Variants in DPP10 observed in about 807,000 individuals in gnomAD.
DPP10 encodes the protein dipeptidyl peptidase like 10.
Under a neutral mutation model 120.9 loss-of-function variants are expected in DPP10, and 33 were observed. The observed-to-expected ratio is 0.27, with a 90% CI of 0.21 to 0.37. The LOEUF (loss-of-function observed/expected upper bound fraction) is 0.37, where lower values mean the gene tolerates loss of function less well. Ranked by LOEUF, DPP10 falls within the 10% of genes least tolerant of loss-of-function variation. The probability of loss-of-function intolerance (pLI) is 1.00; values close to 1 mark genes in which losing one functional copy is unlikely to be tolerated. For synonymous variants in DPP10, 337 were observed against 326.1 expected (o/e 1.03, Z -0.36); for missense variants, 816 against 942.8 (o/e 0.87, Z 1.76).
intron 19 of DPP10, 99 bp from the exon 20 acceptor site, chr2:115,814,694 A>C (rs1687025822): frequency 5.3e-6 from 5 of 947,782 alleles, no homozygotes; most frequent in South Asian, 6.5e-5. Flanking sequence ...AATAGCCAGC[A>C]CAGTTCTTTC....
chr2:114,945,708 T>C (rs1448232113), intron 1 of DPP10, among the ~76,000 whole-genome samples: 1 of 151,964 alleles, frequency 6.6e-6, no homozygotes, highest in African/African-American at 2.4e-5. Context: ...CCCAGCTACT[T>C]GGGAGGCTTA....
chr2:114,818,743 C>T lies in DPP10; in HGVS notation c.60+375905C>T, dbSNP rs548381388. The stretch of plus-strand genomic sequence containing the variant: ...TGGAATGAATATGGTCTAGATGCTG[C>T]TCCATCTCCTTTACAGATTGTATGC... On this transcript the variant is annotated intron_variant, in intron 1 of 25. Coordinates refer to ENST00000410059, the MANE Select transcript of DPP10 (RefSeq NM_020868.6). Among the ~76,000 whole-genome samples the T allele has an allele frequency of 4.7e-4, 71 of 152,226 alleles. 1 individual carries two copies. The highest frequency in any genetic ancestry group is 1.7e-3 in the African/African-American group (69 of 41,522).
chr2:114,991,498 A>T (rs773155234), intron 1 of DPP10, among the ~76,000 whole-genome samples: 5 of 152,230 alleles, frequency 3.3e-5, no homozygotes, highest in African/African-American at 7.2e-5. Flanking sequence ...TAAAGACTAG[A>T]AATTTCTCCC....
chr2:114,555,883 A>G (rs1205899797), intron 1 of DPP10, among the ~76,000 whole-genome samples: 2 of 152,124 alleles, frequency 1.3e-5, no homozygotes, highest in East Asian at 1.9e-4. Context: ...AGAAGAACAT[A>G]GTATCCTCAA....
chr2:115,100,615 T>C (rs2048645678), intron 1 of DPP10, among the ~76,000 whole-genome samples: 2 of 152,276 alleles, frequency 1.3e-5, no homozygotes, highest in African/African-American at 2.4e-5. Context: ...TCTCTGTTAT[T>C]GGCAGCTTAG....
chr2:114,836,654 T>A (rs942616435), intron 1 of DPP10, among the ~76,000 whole-genome samples: 1 of 152,160 alleles, frequency 6.6e-6, no homozygotes, highest in Non-Finnish European at 1.5e-5. Flanking sequence ...GATAACTTCT[T>A]ATCAGGGGAC....
intron 3 of DPP10, among the ~76,000 whole-genome samples, chr2:115,489,299 A>G (rs2075962980): frequency 6.6e-6 from 1 of 151,702 alleles, no homozygotes; most frequent in African/African-American, 2.4e-5. Flanking sequence ...TGGACCCCTG[A>G]TCTAGTATAC....
chr2:114,526,798 C>T (rs1292435377), intron 1 of DPP10, among the ~76,000 whole-genome samples: 1 of 152,118 alleles, frequency 6.6e-6, no homozygotes, highest in Non-Finnish European at 1.5e-5. Flanking sequence ...CTCCCCAAAG[C>T]CCCCATCTCC....
Position 115,435,057 on chromosome 2 carries a change from T to C in DPP10, c.272-64453T>C, listed in dbSNP as rs944520681. On this transcript the variant is annotated intron_variant, in intron 3 of 25. Transcript: ENST00000410059. Reference sequence around the variant, plus strand: ...ATTTCTATACACATGCACACATATATATATATATATATATATGTATCACAT... The same window carrying C: ...ATTTCTATACACATGCACACATATACATATATATATATATATGTATCACAT... Among the ~76,000 whole-genome samples, 23 of 111,120 alleles carry C rather than the reference T, an allele frequency of 2.1e-4. 1 individual carries two copies. In the South Asian group the frequency reaches 2.7e-3, roughly 13 times the overall value. 72.9% of individuals were successfully genotyped at this position (111,120 alleles called of 152,430 possible). A position where few individuals can be genotyped will look rare whatever the true frequency, so the allele number is the denominator to read the frequency against.
At chr2:115,198,431 T>C (rs1330991597) in intron 1 of DPP10, among the ~76,000 whole-genome samples, 1 of 152,196 alleles carries the variant, frequency 6.6e-6, no homozygotes, top group South Asian at 2.1e-4. Flanking sequence ...TGTACTCACA[T>C]ATCTGAAAAA....
intron 1 of DPP10, among the ~76,000 whole-genome samples, chr2:115,122,476 T>C (rs2049874999): frequency 6.6e-6 from 1 of 152,242 alleles, no homozygotes; most frequent in Admixed American, 6.5e-5. Flanking sequence ...TATATCTTTG[T>C]TGCCAAGACC....
intron 5 of DPP10, among the ~76,000 whole-genome samples, chr2:115,676,036 C>T (rs1404816231): frequency 6.6e-6 from 1 of 152,106 alleles, no homozygotes; most frequent in Admixed American, 6.5e-5. Context: ...AGGAAGCTTT[C>T]CCCCGGACGG....
At chr2:114,789,337 A>T (rs573028529) in intron 1 of DPP10, among the ~76,000 whole-genome samples, 71 of 152,304 alleles carry the variant, frequency 4.7e-4, no homozygotes, top group African/African-American at 1.7e-3. Context: ...AACAAGAACT[A>T]TTTCCCGAGC....
chr2:115,622,838 T>G (rs996092437), intron 5 of DPP10, among the ~76,000 whole-genome samples: 8 of 136,462 alleles, frequency 5.9e-5, no homozygotes, highest in African/African-American at 1.8e-4. Context: ...TCTTTTTTTT[T>G]TTTTTTTTGT....
At position 114,900,132 on chromosome 2, in the gene DPP10, A is replaced by G. The variant is rs1199241439; in HGVS notation, c.61-409107A>G. ...TTGGGACTATTACAATTGTGATGCC[A>G]TTAACATTTTTGTGATAGTCAATAA... On this transcript the variant is annotated intron_variant, in intron 1 of 25. Coordinates refer to ENST00000410059, the MANE Select transcript of DPP10 (RefSeq NM_020868.6). Among the ~76,000 whole-genome samples the G allele has an allele frequency of 2.0e-5, 3 of 152,234 alleles. No homozygotes were observed. In the East Asian group the frequency reaches 5.8e-4, roughly 29 times the overall value.
At chr2:115,043,514 C>T (rs1704825982) in intron 1 of DPP10, among the ~76,000 whole-genome samples, 1 of 152,214 alleles carries the variant, frequency 6.6e-6, no homozygotes, top group African/African-American at 2.4e-5. Flanking sequence ...TCATAACTTT[C>T]AGTGGCTGAT....
intron 7 of DPP10, among the ~76,000 whole-genome samples, chr2:115,709,389 A>G (rs2092242183): frequency 1.3e-5 from 2 of 152,094 alleles, no homozygotes; most frequent in African/African-American, 4.8e-5. Context: ...ACTATAAATG[A>G]CAGAATTTTC....
chr2:115,628,361 G>T (rs2085538303), intron 5 of DPP10, among the ~76,000 whole-genome samples: 1 of 152,014 alleles, frequency 6.6e-6, no homozygotes, highest in African/African-American at 2.4e-5. Context: ...TTTTAATGGT[G>T]TTGTTTGTTT....
chr2:114,966,815 G>A (rs1433234180), intron 1 of DPP10, among the ~76,000 whole-genome samples: 1 of 152,354 alleles, frequency 6.6e-6, no homozygotes, highest in African/African-American at 2.4e-5. Flanking sequence ...GCCATGGCAG[G>A]TGGGTCACTT....
Sources: gnomAD v4.1 joint callset for allele counts (sites outside exome capture counted in the v4.1 genomes callset) on GRCh38, gnomAD v4.1.1 for gene constraint, MANE v1.5 for transcripts, NCBI Gene and HGNC (gene_info 2026-07-23, HGNC 2026-07-21) for gene names.